The following YAP1 variants were observed in gnomAD, a reference collection of about 807,000 sequenced individuals.
YAP1 encodes the protein Yes1 associated transcriptional regulator, also known as transcriptional coactivator YAP1.
YAP1 carries 5 observed loss-of-function variants against 56.9 expected under a neutral mutation model. The observed-to-expected ratio is 0.09, with a 90% CI of 0.05 to 0.18. The LOEUF is 0.18. Ranked by LOEUF, YAP1 falls within the 10% of genes least tolerant of loss-of-function variation. YAP1 has a pLI of 1.00. For missense variants in YAP1, 539 were observed against 651.8 expected (o/e 0.83, Z 1.88); for synonymous variants, 265 against 248.1 (o/e 1.07, Z -0.64).
intron 2 of YAP1, among the ~76,000 whole-genome samples, chr11:102,116,296 T>C (rs562648385): frequency 5.9e-5 from 9 of 152,324 alleles, no homozygotes; most frequent in Middle Eastern, 3.4e-3. Flanking sequence ...AGAGGTGATA[T>C]AAAGTATATG....
At chr11:102,118,435 T>A (rs1943432516) in intron 2 of YAP1, among the ~76,000 whole-genome samples, 1 of 150,440 alleles carries the variant, frequency 6.6e-6, no homozygotes, top group African/African-American at 2.4e-5. Context: ...TTGATCGCTA[T>A]ACATAGGCTG....
chr11:102,192,076 T>A (rs536931036), intron 4 of YAP1, among the ~76,000 whole-genome samples: 24 of 152,342 alleles, frequency 1.6e-4, no homozygotes, highest in African/African-American at 5.5e-4. Flanking sequence ...CGATCTCAGC[T>A]TTGACCTTTC....
Position 102,233,356 on chromosome 11 carries a change from T to A in YAP1, c.*3416T>A, listed in dbSNP as rs1950491169. Reference sequence around the variant, plus strand: ...TAGGTACTTACATAAATTGTTACATTATTTTTTCTTATGTAATACCTTTTT... The same window carrying A: ...TAGGTACTTACATAAATTGTTACATAATTTTTTCTTATGTAATACCTTTTT... On this transcript the variant is annotated 3_prime_UTR_variant, in exon 9 of 9. Coordinates refer to ENST00000282441, the MANE Select transcript of YAP1 (RefSeq NM_001130145.3). The A allele has an allele frequency of 1.3e-5, 2 of 152,238 alleles. No homozygotes were observed. The highest frequency in any genetic ancestry group is 6.5e-5 in the Admixed American group (1 of 15,286). 9.4% of individuals were successfully genotyped at this position (152,238 alleles called of 1,614,324 possible).
At chr11:102,115,990 T>C (rs193146653) in intron 2 of YAP1, among the ~76,000 whole-genome samples, 78 of 152,372 alleles carry the variant, frequency 5.1e-4, no homozygotes, top group Non-Finnish European at 4.4e-5. Flanking sequence ...ACATTTATGC[T>C]CTTCTTCTTA....
intron 4 of YAP1, among the ~76,000 whole-genome samples, chr11:102,188,446 G>A (rs1396461217): frequency 6.6e-6 from 1 of 152,088 alleles, no homozygotes; most frequent in Non-Finnish European, 1.5e-5. Context: ...TTAGAATATA[G>A]CCATTTGCTT....
chr11:102,114,484 T>G, intron 2 of YAP1, 90 bp downstream of exon 2: 1 of 1,424,240 alleles, frequency 7.0e-7, no homozygotes. Context: ...AGAATATCAT[T>G]TATTTTTATG....
chr11:102,201,323 A>T (rs1205252009), intron 4 of YAP1, among the ~76,000 whole-genome samples: 24 of 152,194 alleles, frequency 1.6e-4, no homozygotes, highest in Admixed American at 1.6e-3. Flanking sequence ...TCAAAGAAGA[A>T]GGGATGTGTG....
At position 102,189,183 on chromosome 11, in the gene YAP1, AT is replaced by A. The variant is rs34403760; in HGVS notation, c.802+3060del. Among the ~76,000 whole-genome samples the A allele has an allele frequency of 8.0e-3, 1,219 of 151,886 alleles. 19 individuals carry two copies. Among genetic ancestry groups the A allele is most frequent in the African/African-American group, 0.028 (1,171 of 41,428 alleles). Reference sequence around the variant, plus strand: ...ATTTCATATAAACACATAGGAGGTGATTTTTTTTCCCTGGAGATTTTGTACT... The same window carrying A: ...ATTTCATATAAACACATAGGAGGTGATTTTTTTCCCTGGAGATTTTGTACT... On this transcript the variant is annotated intron_variant, in intron 4 of 8. Coordinates refer to ENST00000282441, the MANE Select transcript of YAP1 (RefSeq NM_001130145.3).
intron 2 of YAP1, among the ~76,000 whole-genome samples, chr11:102,125,664 C>G (rs1240409683): frequency 6.6e-6 from 1 of 152,058 alleles, no homozygotes; most frequent in Non-Finnish European, 1.5e-5. Context: ...CTGATGTCAG[C>G]CATATCACGC....
chr11:102,228,900 G>C (rs1950330934), intron 8 of YAP1, among the ~76,000 whole-genome samples: 1 of 152,082 alleles, frequency 6.6e-6, no homozygotes, highest in African/African-American at 2.4e-5. Flanking sequence ...TCCTGGCTTT[G>C]ATGCTTTCTA....
intron 2 of YAP1, among the ~76,000 whole-genome samples, chr11:102,117,398 G>A (rs897622551): frequency 1.3e-5 from 2 of 152,170 alleles, no homozygotes; most frequent in Admixed American, 1.3e-4. Context: ...AAGTTACAAA[G>A]TCTATAACTT....
intron 4 of YAP1, among the ~76,000 whole-genome samples, chr11:102,203,269 A>C (rs909502240): frequency 4.6e-5 from 7 of 152,218 alleles, no homozygotes; most frequent in African/African-American, 1.7e-4. Context: ...TTATTAAAGA[A>C]GTCTTGGATT....
chr11:102,230,041 A>G lies in YAP1; in HGVS notation c.*101A>G, dbSNP rs1474403378. ...GTTGCAGTTTTCAGGCTAATACAGA[A>G]AAAGATGAACAAACGTCCAGCAAGA... On this transcript the variant is annotated 3_prime_UTR_variant, in exon 9 of 9. Transcript: ENST00000282441. The G allele has an allele frequency of 2.3e-5, 23 of 990,316 alleles. 1 individual carries two copies. In the Admixed American group the frequency reaches 4.9e-4, roughly 21 times the overall value. The allele number at this position is 990,316 out of a possible 1,614,324, so 61.3% of individuals were successfully genotyped here.
At chr11:102,172,757 T>C (rs1946990753) in intron 3 of YAP1, among the ~76,000 whole-genome samples, 1 of 152,004 alleles carries the variant, frequency 6.6e-6, no homozygotes, top group Admixed American at 6.6e-5. Flanking sequence ...AGGCTGGGGA[T>C]GGAGGGAGAT....
chr11:102,222,809 G>T lies in YAP1; in HGVS notation c.1033-813G>T, dbSNP rs549707957. Among the ~76,000 whole-genome samples the T allele has an allele frequency of 4.0e-5, 6 of 150,756 alleles. No individual in the cohort carries two copies. The East Asian group carries it at 1.2e-3, about 29-fold the overall frequency. On this transcript the variant is annotated intron_variant, in intron 6 of 8. Transcript: ENST00000282441. ...AGCAAAGTGTGAAATAGTGTTGGGG[G>T]TTGGGGAAGGATTGGTGTCTTATAG...
chr11:102,211,571 A>G (rs1311697484), intron 6 of YAP1, among the ~76,000 whole-genome samples: 2 of 152,184 alleles, frequency 1.3e-5, no homozygotes, highest in East Asian at 3.8e-4. Flanking sequence ...GTATAGGGTT[A>G]TATTTGAAAT....
chr11:102,150,170 G>A (rs376835624), intron 2 of YAP1, among the ~76,000 whole-genome samples: 1 of 151,746 alleles, frequency 6.6e-6, no homozygotes, highest in Non-Finnish European at 1.5e-5. Context: ...TTTTACTAGA[G>A]ACGAGGTTTC....
chr11:102,141,447 G>A (rs1463055433), intron 2 of YAP1, among the ~76,000 whole-genome samples: 1 of 152,188 alleles, frequency 6.6e-6, no homozygotes, highest in Non-Finnish European at 1.5e-5. Context: ...GGCAAGGTGG[G>A]TGCAATGGTA....
At chr11:102,184,559 T>C (rs1947846466) in intron 3 of YAP1, among the ~76,000 whole-genome samples, 1 of 152,206 alleles carries the variant, frequency 6.6e-6, no homozygotes, top group Admixed American at 6.5e-5. Flanking sequence ...AACAGGATTT[T>C]ACCCCATCAA....
Sources: allele counts gnomAD v4.1 joint callset (sites outside exome capture counted in the v4.1 genomes callset), GRCh38; gene constraint gnomAD v4.1.1; transcripts MANE v1.5; gene names NCBI Gene and HGNC (gene_info 2026-07-23, HGNC 2026-07-21).